EYS: variants seen among roughly 807,000 people sequenced by gnomAD.
EYS encodes the protein protein eyes shut homolog.
A neutral mutation model predicts 282.1 loss-of-function variants in EYS; 250 were observed. The observed-to-expected ratio is 0.89, with a 90% CI of 0.80 to 0.98. The LOEUF (loss-of-function observed/expected upper bound fraction) is 0.98, where lower values mean the gene tolerates loss of function less well. Among genes scored for constraint, EYS ranks in the 50% least tolerant of loss-of-function variants. EYS has a pLI of 0.00. For missense variants in EYS, 4,016 were observed against 3,709.0 expected (o/e 1.08, Z -2.15); for synonymous variants, 1,355 against 1,282.9 (o/e 1.06, Z -1.20).
At chr6:64,546,104 C>T (rs1207726417) in intron 26 of EYS, among the ~76,000 whole-genome samples, 9 of 152,162 alleles carry the variant, frequency 5.9e-5, no homozygotes, top group Non-Finnish European at 1.3e-4. Context: ...AGGCATCACG[C>T]TACCTGACTT....
intron 35 of EYS, among the ~76,000 whole-genome samples, chr6:63,865,296 G>A (rs911741373): frequency 7.2e-5 from 11 of 152,350 alleles, no homozygotes; most frequent in African/African-American, 2.4e-4. Flanking sequence ...ACTTAGCAAT[G>A]TAAATATAAG....
At chr6:64,725,743 C>T (rs1044537450) in intron 22 of EYS, among the ~76,000 whole-genome samples, 4 of 151,914 alleles carry the variant, frequency 2.6e-5, no homozygotes, top group Admixed American at 6.6e-5. Flanking sequence ...TCATCCTCAA[C>T]GTTCATTTTA....
At chr6:65,558,609 T>C (rs889516056) in intron 2 of EYS, among the ~76,000 whole-genome samples, 2 of 152,210 alleles carry the variant, frequency 1.3e-5, no homozygotes, top group Non-Finnish European at 2.9e-5. Flanking sequence ...TTCCATGTAG[T>C]AGCTGTTCCA....
chr6:65,399,083 T>C (rs1766396149), intron 7 of EYS, among the ~76,000 whole-genome samples: 1 of 152,076 alleles, frequency 6.6e-6, no homozygotes, highest in Non-Finnish European at 1.5e-5. Context: ...CTGGGCTACA[T>C]ACTCATAGTA....
At chr6:63,968,318 A>G (rs975849067) in intron 35 of EYS, among the ~76,000 whole-genome samples, 3 of 152,184 alleles carry the variant, frequency 2.0e-5, no homozygotes, top group African/African-American at 7.2e-5. Context: ...TTTCAAGGGC[A>G]AATACAATTC....
intron 14 of EYS, among the ~76,000 whole-genome samples, chr6:64,981,047 A>T (rs987618658): frequency 1.3e-5 from 2 of 151,430 alleles, no homozygotes; most frequent in South Asian, 4.1e-4. Flanking sequence ...GGTTTGATCA[A>T]TAAATCAATA....
At chr6:64,311,873 C>T (rs927571522) in intron 29 of EYS, among the ~76,000 whole-genome samples, 4 of 152,148 alleles carry the variant, frequency 2.6e-5, no homozygotes, top group Non-Finnish European at 5.9e-5. Flanking sequence ...GTCTTCACAA[C>T]CGGCAGACCA....
chr6:65,092,109 A>T (rs2150178339), intron 12 of EYS, among the ~76,000 whole-genome samples: 1 of 152,280 alleles, frequency 6.6e-6, no homozygotes, highest in South Asian at 2.1e-4. Context: ...GATGTACATT[A>T]GAATATAAAA....
At chr6:64,757,736 TTTTTTCTTTGTGTGTGTGTGTG>T (rs1562174567) in intron 22 of EYS, among the ~76,000 whole-genome samples, 4 of 131,900 alleles carry the variant, frequency 3.0e-5, no homozygotes, top group East Asian at 2.2e-4. Context: ...TTTTTTTTCT[TTTTTTCTTTGTGTGTGTGTGTG>T]TGTGTGTGTG....
intron 30 of EYS, among the ~76,000 whole-genome samples, chr6:64,241,323 C>A (rs1207974033): frequency 6.6e-6 from 1 of 152,096 alleles, no homozygotes; most frequent in African/African-American, 2.4e-5. Context: ...GGAATGGTAC[C>A]AGCACCTCTT....
intron 12 of EYS, among the ~76,000 whole-genome samples, chr6:65,172,340 A>C (rs1765124238): frequency 1.3e-5 from 2 of 151,544 alleles, no homozygotes; most frequent in South Asian, 4.1e-4. Flanking sequence ...ATGCCCATGC[A>C]AACATCATCT....
At chr6:65,590,363 A>G (rs998856741) in intron 2 of EYS, among the ~76,000 whole-genome samples, 2 of 152,078 alleles carry the variant, frequency 1.3e-5, no homozygotes, top group African/African-American at 4.8e-5. Flanking sequence ...ACTGACACGT[A>G]ATATTTATAC....
chr6:64,951,000 C>G (rs893957045), intron 14 of EYS, among the ~76,000 whole-genome samples: 12 of 151,046 alleles, frequency 7.9e-5, no homozygotes, highest in African/African-American at 2.7e-4. Flanking sequence ...AAAGTAGTAG[C>G]TGGAGTTTGC....
intron 14 of EYS, among the ~76,000 whole-genome samples, chr6:64,964,151 T>C (rs961089782): frequency 6.6e-6 from 1 of 151,976 alleles, no homozygotes; most frequent in African/African-American, 2.4e-5. Flanking sequence ...ATAAGATCTA[T>C]ATCATTTGGG....
intron 22 of EYS, among the ~76,000 whole-genome samples, chr6:64,658,134 C>A (rs565634158): frequency 1.3e-5 from 2 of 152,260 alleles, no homozygotes; most frequent in South Asian, 4.1e-4. Flanking sequence ...CCCTTTCTTC[C>A]AGTTAACAAA....
intron 28 of EYS, among the ~76,000 whole-genome samples, chr6:64,398,568 A>C (rs921447866): frequency 6.6e-6 from 1 of 151,878 alleles, no homozygotes; most frequent in Non-Finnish European, 1.5e-5. Flanking sequence ...ATACACACAT[A>C]CCACAAATAT....
chr6:65,611,548 G>A (rs959814281), intron 2 of EYS, among the ~76,000 whole-genome samples: 5 of 151,828 alleles, frequency 3.3e-5, no homozygotes, highest in East Asian at 1.9e-4. Flanking sequence ...AAAAGATTTC[G>A]AATTAAAATT....
chr6:63,963,300 G>C lies in EYS; in HGVS notation c.7055+21083C>G, dbSNP rs746055646. Among the ~76,000 whole-genome samples the C allele has an allele frequency of 5.3e-5, 8 of 151,366 alleles. 1 individual carries two copies. The highest frequency in any genetic ancestry group is 4.2e-4 in the South Asian group (2 of 4,808). On this transcript the variant is annotated intron_variant, in intron 35 of 42. Transcript: ENST00000503581. Reference sequence around the variant, plus strand: ...AAAAAAGAAATGCTAATTTGAAAAAGCAATAAAACCCAATCATGTAACAAA... The same window carrying C: ...AAAAAAGAAATGCTAATTTGAAAAACCAATAAAACCCAATCATGTAACAAA...
At chr6:64,791,570 G>C (rs551045002) in intron 22 of EYS, among the ~76,000 whole-genome samples, 1 of 151,998 alleles carries the variant, frequency 6.6e-6, no homozygotes, top group Non-Finnish European at 1.5e-5. Flanking sequence ...GGACAGGAAT[G>C]TGTAACCAAA....
Sources: allele counts gnomAD v4.1 joint callset (sites outside exome capture counted in the v4.1 genomes callset), GRCh38; gene constraint gnomAD v4.1.1; transcripts MANE v1.5; gene names NCBI Gene and HGNC (gene_info 2026-07-23, HGNC 2026-07-21).